The following METTL15 variants were observed in gnomAD, a reference collection of about 807,000 sequenced individuals.
The protein encoded by METTL15 is methyltransferase 15, mitochondrial 12S rRNA N4-cytidine.
METTL15 carries 34 observed loss-of-function variants against 38.3 expected under a neutral mutation model. The observed-to-expected ratio is 0.89, with a 90% CI of 0.68 to 1.18. METTL15 has a LOEUF of 1.18. Ranked by LOEUF, METTL15 falls within the 50% of genes most tolerant of loss-of-function variation. The pLI is 0.00. For missense variants in METTL15, 438 were observed against 498.4 expected (o/e 0.88, Z 1.15); for synonymous variants, 162 against 170.9 (o/e 0.95, Z 0.41).
At chr11:28,110,892 G>C (rs1053431827) in intron 2 of METTL15, among the ~76,000 whole-genome samples, 3 of 152,146 alleles carry the variant, frequency 2.0e-5, no homozygotes, top group Non-Finnish European at 4.4e-5. Flanking sequence ...TTAACTAGGA[G>C]ATCACAGAGG....
intron 4 of METTL15, among the ~76,000 whole-genome samples, chr11:28,279,707 T>C (rs1855978643): frequency 6.6e-6 from 1 of 152,102 alleles, no homozygotes; most frequent in Non-Finnish European, 1.5e-5. Context: ...AAGACCAGCC[T>C]GGCCAACATG....
chr11:28,253,951 A>C (rs1310344945), intron 4 of METTL15, among the ~76,000 whole-genome samples: 1 of 152,152 alleles, frequency 6.6e-6, no homozygotes, highest in Non-Finnish European at 1.5e-5. Context: ...ATGGGAGTGC[A>C]GATATCTCTT....
At chr11:28,441,658 G>T (rs952769458) in intron 6 of METTL15, among the ~76,000 whole-genome samples, 1 of 151,856 alleles carries the variant, frequency 6.6e-6, no homozygotes, top group East Asian at 1.9e-4. Context: ...TTTTCATCTG[G>T]GGCCTCTCCC....
rs954009975 is a variant in METTL15 at position 28,243,695 on chromosome 11, T to C, written c.407+32497T>C. Among the ~76,000 whole-genome samples the C allele has an allele frequency of 2.6e-4, 40 of 152,198 alleles. 1 individual carries two copies. The highest frequency in any genetic ancestry group is 1.3e-4 in the Admixed American group (2 of 15,286). On this transcript the variant is annotated intron_variant, in intron 4 of 6. Coordinates refer to ENST00000407364, the MANE Select transcript of METTL15 (RefSeq NM_001113528.2). ...AAAGTATATGACAAATCATCAATTT[T>C]ACTGATCGTTGAAAACTCATCTTAA...
chr11:28,450,470 T>G (rs1851110927), intron 6 of METTL15, among the ~76,000 whole-genome samples: 1 of 152,202 alleles, frequency 6.6e-6, no homozygotes, highest in East Asian at 1.9e-4. Flanking sequence ...GAAGACTAAA[T>G]GATATGATGA....
intron 5 of METTL15, among the ~76,000 whole-genome samples, chr11:28,409,274 C>T (rs1048805013): frequency 2.1e-5 from 3 of 143,446 alleles, no homozygotes; most frequent in South Asian, 2.3e-4. Context: ...CCCAGCTACT[C>T]GGGAGGCTGA....
intron 3 of METTL15, among the ~76,000 whole-genome samples, chr11:28,158,192 C>T (rs753255318): frequency 1.1e-4 from 17 of 152,170 alleles, no homozygotes; most frequent in Admixed American, 4.6e-4. Flanking sequence ...TGGTCAAAAA[C>T]TGTGAAGATA....
At chr11:28,200,946 A>G (rs1389624562) in intron 3 of METTL15, among the ~76,000 whole-genome samples, 1 of 152,090 alleles carries the variant, frequency 6.6e-6, no homozygotes, top group African/African-American at 2.4e-5. Context: ...ACTATGTTGA[A>G]TAGGAGTGGT....
At chr11:28,361,047 T>C (rs578158965) in intron 4 of METTL15, among the ~76,000 whole-genome samples, 76 of 152,168 alleles carry the variant, frequency 5.0e-4, no homozygotes, top group Admixed American at 9.8e-4. Flanking sequence ...ATTTTCTTAA[T>C]CCAATCTATC....
At chr11:28,113,658 T>C (rs904729252) in intron 3 of METTL15, 54 bp downstream of exon 3, 4 of 1,564,314 alleles carry the variant, frequency 2.6e-6, no homozygotes, top group African/African-American at 2.7e-5. Flanking sequence ...AATTCACTTA[T>C]TGTAATATTC....
In METTL15 at chr11:28,488,712, C is replaced by T. The variant is rs1325123436; in HGVS notation, c.*425-37766C>T. 3.3e-5 allele frequency among the ~76,000 whole-genome samples: 5 copies of T among 152,130 alleles called. No homozygotes were observed. The East Asian group carries it at 9.6e-4, about 29-fold the overall frequency. ...GGAATAATTCCTGTCCCTTCTGTTT[C>T]TGGTCCTTTAAATCAGTCAGATACA... On this transcript the variant is annotated intron_variant and NMD_transcript_variant, in intron 6 of 7. Coordinates refer to the METTL15 transcript ENST00000532947.
chr11:28,285,907 A>G (rs1856242845), intron 4 of METTL15, among the ~76,000 whole-genome samples: 1 of 152,144 alleles, frequency 6.6e-6, no homozygotes, highest in African/African-American at 2.4e-5. Flanking sequence ...GACTTGTGCC[A>G]ATTTCTGAAC....
At chr11:28,290,125 G>T in intron 4 of METTL15, 81 bp from the exon 5 acceptor site, 1 of 1,135,396 alleles carries the variant, frequency 8.8e-7, no homozygotes. Flanking sequence ...AATAGAATGT[G>T]CTCCCTTCCA....
intron 3 of METTL15, among the ~76,000 whole-genome samples, chr11:28,174,628 C>T (rs564684432): frequency 6.6e-6 from 1 of 151,574 alleles, no homozygotes; most frequent in Admixed American, 6.6e-5. Context: ...TCCTGGCGAA[C>T]ACGGTGAAAC....
At chr11:28,380,209 C>A (rs1289650690) in intron 5 of METTL15, among the ~76,000 whole-genome samples, 1 of 147,814 alleles carries the variant, frequency 6.8e-6, no homozygotes, top group Non-Finnish European at 1.5e-5. Flanking sequence ...ACTCTGTTGC[C>A]CAGGCTGGAG....
intron 5 of METTL15, among the ~76,000 whole-genome samples, chr11:28,372,743 A>G (rs933355150): frequency 2.0e-5 from 3 of 147,408 alleles, no homozygotes; most frequent in Non-Finnish European, 4.5e-5. Context: ...AGCATTAGGT[A>G]TATCTCATAA....
chr11:28,265,046 A>T (rs537683818), intron 4 of METTL15, among the ~76,000 whole-genome samples: 2 of 152,296 alleles, frequency 1.3e-5, no homozygotes, highest in African/African-American at 4.8e-5. Context: ...GGCAATTATA[A>T]AATATGGAAT....
intron 3 of METTL15, among the ~76,000 whole-genome samples, chr11:28,339,552 C>G (rs1368636464): frequency 6.9e-6 from 1 of 145,666 alleles, no homozygotes; most frequent in Non-Finnish European, 1.5e-5. Flanking sequence ...AAAAACTGTA[C>G]AAAAGACATA....
At chr11:28,180,115 A>T (rs1245924472) in intron 3 of METTL15, among the ~76,000 whole-genome samples, 1 of 151,904 alleles carries the variant, frequency 6.6e-6, no homozygotes, top group Non-Finnish European at 1.5e-5. Flanking sequence ...TTAAACCAGG[A>T]ATCTATATTG....
Sources: allele counts gnomAD v4.1 joint callset (sites outside exome capture counted in the v4.1 genomes callset), GRCh38; gene constraint gnomAD v4.1.1; transcripts MANE v1.5; gene names NCBI Gene and HGNC (gene_info 2026-07-23, HGNC 2026-07-21).